Variants in WWOX observed in about 807,000 individuals in gnomAD.
The protein encoded by WWOX is WW domain containing oxidoreductase.
A neutral mutation model predicts 46.2 loss-of-function variants in WWOX; 69 were observed. The observed-to-expected ratio is 1.49, with a 90% CI of 1.23 to 1.82. The LOEUF is 1.82. WWOX is among the 40% of genes most tolerant of loss of function. WWOX has a pLI of 0.00. For synonymous variants in WWOX, 359 were observed against 202.6 expected (o/e 1.77, Z -6.56); for missense variants, 919 against 542.6 (o/e 1.69, Z -6.89).
At chr16:78,789,629 G>T (rs1290899123) in intron 8 of WWOX, among the ~76,000 whole-genome samples, 3 of 151,968 alleles carry the variant, frequency 2.0e-5, no homozygotes, top group Non-Finnish European at 2.9e-5. Context: ...TGGGTATTCT[G>T]GGTCCCTTGT....
intron 8 of WWOX, among the ~76,000 whole-genome samples, chr16:79,192,940 A>C (rs1161595596): frequency 6.6e-6 from 1 of 152,208 alleles, no homozygotes. Context: ...GAAAAGGTGA[A>C]TGAAGGAAGG....
At chr16:79,090,998 G>A (rs1221046319) in intron 8 of WWOX, among the ~76,000 whole-genome samples, 3 of 152,076 alleles carry the variant, frequency 2.0e-5, no homozygotes, top group African/African-American at 7.2e-5. Flanking sequence ...ATGTTGGCCA[G>A]CCTGGTCTCA....
intron 8 of WWOX, among the ~76,000 whole-genome samples, chr16:78,458,204 T>C (rs2083869184): frequency 6.6e-6 from 1 of 151,964 alleles, no homozygotes. Context: ...TGTTTTATTA[T>C]ATATTCTGCC....
chr16:79,024,534 C>T (rs567703392), intron 8 of WWOX, among the ~76,000 whole-genome samples: 20 of 152,044 alleles, frequency 1.3e-4, no homozygotes, highest in South Asian at 6.2e-4. Flanking sequence ...CCCAGGTTCA[C>T]GCCATTCTCC....
At chr16:78,539,075 C>T (rs973433732) in intron 8 of WWOX, among the ~76,000 whole-genome samples, 30 of 152,144 alleles carry the variant, frequency 2.0e-4, no homozygotes, top group African/African-American at 6.8e-4. Context: ...TTTTGTGTTG[C>T]GTAATATTTC....
chr16:78,594,957 C>T (rs1402825704), intron 8 of WWOX, among the ~76,000 whole-genome samples: 1 of 152,180 alleles, frequency 6.6e-6, no homozygotes, highest in Admixed American at 6.5e-5. Flanking sequence ...GCAGTGATTT[C>T]CTTTCACAAT....
intron 8 of WWOX, among the ~76,000 whole-genome samples, chr16:78,637,503 C>G (rs1271573873): frequency 1.3e-5 from 2 of 152,100 alleles, no homozygotes; most frequent in Non-Finnish European, 2.9e-5. Context: ...AGATACCCAG[C>G]CAATGGTCCA....
intron 8 of WWOX, among the ~76,000 whole-genome samples, chr16:78,816,314 A>AT (rs1243707696): frequency 1.3e-5 from 2 of 151,964 alleles, no homozygotes; most frequent in African/African-American, 4.8e-5. Flanking sequence ...TGTTCACTTC[A>AT]TTTTTTCCTG....
chr16:78,673,618 A>T (rs2142210485), intron 8 of WWOX, among the ~76,000 whole-genome samples: 1 of 152,326 alleles, frequency 6.6e-6, no homozygotes, highest in East Asian at 1.9e-4. Context: ...GACTTGCTAA[A>T]AGAAAATATT....
intron 8 of WWOX, among the ~76,000 whole-genome samples, chr16:78,492,812 T>G (rs2084817189): frequency 6.6e-6 from 1 of 152,164 alleles, no homozygotes; most frequent in South Asian, 2.1e-4. Context: ...TTTGACAAAT[T>G]TCTGGGGGCC....
At chr16:78,564,875 C>T (rs1422597596) in intron 8 of WWOX, among the ~76,000 whole-genome samples, 5 of 152,030 alleles carry the variant, frequency 3.3e-5, no homozygotes, top group African/African-American at 4.8e-5. Flanking sequence ...TCCCTTTTCT[C>T]CCCACTCTTG....
At chr16:78,470,351 ATTG>A (rs1229180471) in intron 8 of WWOX, among the ~76,000 whole-genome samples, 2 of 152,156 alleles carry the variant, frequency 1.3e-5, no homozygotes, top group African/African-American at 4.8e-5. Flanking sequence ...CACCTGATGT[ATTG>A]TTTGTTTAAA....
intron 6 of WWOX, among the ~76,000 whole-genome samples, chr16:78,414,113 C>A (rs1477898421): frequency 6.6e-6 from 1 of 151,876 alleles, no homozygotes; most frequent in Admixed American, 6.6e-5. Context: ...CTCAGGAGCT[C>A]CCCCACCGAG....
intron 8 of WWOX, among the ~76,000 whole-genome samples, chr16:79,202,123 C>T (rs570386990): frequency 1.3e-5 from 2 of 152,218 alleles, no homozygotes; most frequent in African/African-American, 4.8e-5. Context: ...TGTCGATGGC[C>T]GCTTTCACAA....
At chr16:78,933,230 G>T (rs1191225884) in intron 8 of WWOX, among the ~76,000 whole-genome samples, 1 of 152,204 alleles carries the variant, frequency 6.6e-6, no homozygotes, top group Non-Finnish European at 1.5e-5. Context: ...CCTAAGGTCA[G>T]GAGTTCGAGA....
At chr16:79,031,867 G>T (rs2047764210) in intron 8 of WWOX, among the ~76,000 whole-genome samples, 3 of 133,492 alleles carry the variant, frequency 2.2e-5, no homozygotes, top group South Asian at 2.3e-4. Context: ...TATATAGATA[G>T]ATATCTATAT....
At chr16:78,925,502 T>G (rs544930704) in intron 8 of WWOX, among the ~76,000 whole-genome samples, 135 of 152,226 alleles carry the variant, frequency 8.9e-4, no homozygotes, top group Non-Finnish European at 1.6e-3. Context: ...TCCCAGCGTC[T>G]TAACCAGGAA....
At chr16:78,437,434 C>T (rs979136140) in intron 8 of WWOX, among the ~76,000 whole-genome samples, 5 of 152,264 alleles carry the variant, frequency 3.3e-5, no homozygotes, top group East Asian at 3.9e-4. Context: ...CTAATTGTTG[C>T]TGTAAATGCA....
rs976073233 is a variant in WWOX at position 78,744,422 on chromosome 16, CTTTTTTTTT to C, written c.1056+311689_1056+311697del. Reference sequence around the variant, plus strand: ...TAGGAAGGGCCCATGGTCCACACTGCTTTTTTTTTTTTTTTTTTTTTTTTTTTGAAACGG... The same window carrying C: ...TAGGAAGGGCCCATGGTCCACACTGCTTTTTTTTTTTTTTTTTTGAAACGG... On this transcript the variant is annotated intron_variant, in intron 8 of 8. Coordinates refer to ENST00000566780, the MANE Select transcript of WWOX (RefSeq NM_016373.4). 5.2e-4 allele frequency among the ~76,000 whole-genome samples: 43 copies of C among 82,240 alleles called. No homozygotes were observed. The East Asian group carries it at 9.3e-3, about 18-fold the overall frequency. The allele number at this position is 82,240 out of a possible 152,430, so 54.0% of individuals were successfully genotyped here.
Sources: allele counts gnomAD v4.1 joint callset (sites outside exome capture counted in the v4.1 genomes callset), GRCh38; gene constraint gnomAD v4.1.1; transcripts MANE v1.5; gene names NCBI Gene and HGNC (gene_info 2026-07-23, HGNC 2026-07-21).